Variants in AOAH observed in about 807,000 individuals in gnomAD.
AOAH encodes the protein acyloxyacyl hydrolase, also known as acyloxyacyl hydrolase (neutrophil).
AOAH carries 64 observed loss-of-function variants against 92.2 expected under a neutral mutation model. That is an observed-to-expected ratio of 0.69 (90% CI 0.57 to 0.86). The LOEUF (loss-of-function observed/expected upper bound fraction) is 0.86, where lower values mean the gene tolerates loss of function less well. Ranked by LOEUF, AOAH falls within the 40% of genes least tolerant of loss-of-function variation. The pLI is 0.00. For missense variants in AOAH, 656 were observed against 694.6 expected (o/e 0.94, Z 0.62); for synonymous variants, 263 against 254.5 (o/e 1.03, Z -0.32).
At chr7:36,586,416 TC>T (rs1432429858) in intron 12 of AOAH, among the ~76,000 whole-genome samples, 2 of 152,124 alleles carry the variant, frequency 1.3e-5, no homozygotes, top group Non-Finnish European at 2.9e-5. Flanking sequence ...TTCCTCTGCC[TC>T]CCCCATCATT....
intron 16 of AOAH, among the ~76,000 whole-genome samples, chr7:36,539,723 T>G (rs1309245430): frequency 2.0e-5 from 3 of 152,228 alleles, no homozygotes; most frequent in Admixed American, 6.5e-5. Context: ...GAAATTATTG[T>G]GGTTGATAAA....
At chr7:36,639,661 T>A (rs1793763670) in intron 4 of AOAH, among the ~76,000 whole-genome samples, 1 of 152,208 alleles carries the variant, frequency 6.6e-6, no homozygotes, top group Non-Finnish European at 1.5e-5. Flanking sequence ...AAACAATGAA[T>A]ACCAATTCAG....
chr7:36,688,007 A>G lies in AOAH; in HGVS notation c.128-1213T>C, dbSNP rs141097958. Among the ~76,000 whole-genome samples the G allele has an allele frequency of 9.2e-5, 14 of 152,318 alleles. No homozygotes were observed. The East Asian group carries it at 2.7e-3, about 29-fold the overall frequency. On this transcript the variant is annotated intron_variant, in intron 1 of 20. Coordinates refer to ENST00000617537, the MANE Select transcript of AOAH (RefSeq NM_001637.4). ...GATGTTCTGTCCCCTCTCTCTGGAC[A>G]AAGAGAAAGGTTCACCACATCTCTG...
chr7:36,556,491 T>G (rs1296157096), intron 13 of AOAH, among the ~76,000 whole-genome samples: 5 of 151,914 alleles, frequency 3.3e-5, no homozygotes, highest in South Asian at 4.2e-4. Context: ...CTGTAGATGT[T>G]TATTAGGTCC....
chr7:36,610,175 A>AG (rs1209230705), intron 11 of AOAH, among the ~76,000 whole-genome samples: 1 of 149,948 alleles, frequency 6.7e-6, no homozygotes, highest in Non-Finnish European at 1.5e-5. Flanking sequence ...AAAAAAAAAA[A>AG]AAAAAGAATC....
chr7:36,523,997 C>T (rs1367290952), intron 19 of AOAH, among the ~76,000 whole-genome samples: 2 of 152,002 alleles, frequency 1.3e-5, no homozygotes, highest in Admixed American at 6.6e-5. Context: ...AAATCAGCAA[C>T]GATGCAGAAA....
At chr7:36,670,123 A>C (rs892237856) in intron 3 of AOAH, among the ~76,000 whole-genome samples, 11 of 152,146 alleles carry the variant, frequency 7.2e-5, no homozygotes, top group Admixed American at 2.0e-4. Flanking sequence ...TAATTGCTGC[A>C]CAATTAGTCC....
At chr7:36,716,893 C>T (rs1008676881) in intron 1 of AOAH, among the ~76,000 whole-genome samples, 14 of 151,624 alleles carry the variant, frequency 9.2e-5, no homozygotes, top group South Asian at 2.1e-4. Context: ...TTAATGGGTG[C>T]GGCACACCAA....
At chr7:36,693,543 T>C (rs997396337) in intron 1 of AOAH, among the ~76,000 whole-genome samples, 2 of 152,070 alleles carry the variant, frequency 1.3e-5, no homozygotes, top group Non-Finnish European at 2.9e-5. Context: ...ATTTTTTTGA[T>C]CACACTATTG....
intron 19 of AOAH, among the ~76,000 whole-genome samples, 158 bp downstream of exon 19, chr7:36,530,260 T>C (rs1274660144): frequency 1.3e-5 from 2 of 152,220 alleles, no homozygotes; most frequent in African/African-American, 4.8e-5. Context: ...CATTTTATCT[T>C]TTTTTCAATA....
rs755950743 is a variant in AOAH at position 36,548,721 on chromosome 7, A to G, written c.1059-35T>C. The G allele has an allele frequency of 5.7e-6, 9 of 1,582,742 alleles. No homozygotes were observed. The South Asian group carries it at 9.9e-5, about 17-fold the overall frequency. ...CATAGATGGAATCTGAATGTCAGAT[A>G]CTTGGAAACCTAGCTTTGTAGCCAG... is the stretch of plus-strand genomic sequence containing the variant. On this transcript the variant is annotated intron_variant, in intron 14 of 20. Transcript: ENST00000617537.
At position 36,724,219 on chromosome 7, in the gene AOAH, C is replaced by G; in HGVS notation, c.-71G>C. 1 of 1,582,496 alleles carries G rather than the reference C, an allele frequency of 6.3e-7. No individual in the cohort carries two copies. Among genetic ancestry groups the G allele is most frequent in the Non-Finnish European group, 8.6e-7 (1 of 1,157,888 alleles). On this transcript the variant is annotated 5_prime_UTR_variant, in exon 1 of 21. Coordinates refer to ENST00000617537, the MANE Select transcript of AOAH (RefSeq NM_001637.4). Reference sequence around the variant, plus strand: ...CAACTGAGGGATGCTGGAGCTGAGGCTGCAGAATCAATTGATCTCTCTCTC... The same window carrying G: ...CAACTGAGGGATGCTGGAGCTGAGGGTGCAGAATCAATTGATCTCTCTCTC...
Position 36,631,919 on chromosome 7 carries a change from C to G in AOAH, c.521+117G>C. On this transcript the variant is annotated intron_variant, in intron 6 of 20. Coordinates refer to ENST00000617537, the MANE Select transcript of AOAH (RefSeq NM_001637.4). ...TGTGCAATGTTTTGAGAAAGAAACA[C>G]TCTCACCTTCAGGGATGCCTTTTAA... 4.0e-6 allele frequency: 3 copies of G among 743,532 alleles called. No homozygotes were observed. In the South Asian group the frequency reaches 5.4e-5, roughly 13 times the overall value. The allele number at this position is 743,532 out of a possible 1,614,324, so 46.1% of individuals were successfully genotyped here.
intron 3 of AOAH, among the ~76,000 whole-genome samples, chr7:36,665,748 T>A (rs1795492065): frequency 1.3e-5 from 2 of 152,240 alleles, no homozygotes; most frequent in South Asian, 2.1e-4. Flanking sequence ...GAGTTTTTTT[T>A]AAATCACAAA....
chr7:36,678,600 T>TGCGCGCGCGC (rs1554314414), intron 2 of AOAH, among the ~76,000 whole-genome samples: 18 of 131,018 alleles, frequency 1.4e-4, no homozygotes, highest in African/African-American at 2.7e-4. Context: ...TGTGTGTGTG[T>TGCGCGCGCGC]GCGCGCGCGC....
At chr7:36,678,072 A>C (rs1796367766) in intron 2 of AOAH, among the ~76,000 whole-genome samples, 1 of 152,242 alleles carries the variant, frequency 6.6e-6, no homozygotes, top group African/African-American at 2.4e-5. Flanking sequence ...AAAGTCACTA[A>C]ATTGTACACT....
intron 20 of AOAH, among the ~76,000 whole-genome samples, chr7:36,515,332 CCA>C (rs1203217386): frequency 7.9e-5 from 10 of 126,824 alleles, no homozygotes; most frequent in South Asian, 2.8e-4. Context: ...CAACCCCACA[CCA>C]CACACACATA....
intron 2 of AOAH, among the ~76,000 whole-genome samples, chr7:36,675,438 G>A (rs1796193649): frequency 6.6e-6 from 1 of 152,046 alleles, no homozygotes; most frequent in South Asian, 2.1e-4. Flanking sequence ...ATGCCCAAAT[G>A]GACTCAAGAA....
At chr7:36,664,884 T>G (rs763303854) in intron 3 of AOAH, among the ~76,000 whole-genome samples, 7 of 152,170 alleles carry the variant, frequency 4.6e-5, no homozygotes, top group Non-Finnish European at 7.4e-5. Context: ...ACATGAAGAA[T>G]GAAGAGAGCA....
Sources: gnomAD v4.1 joint callset for allele counts (sites outside exome capture counted in the v4.1 genomes callset) on GRCh38, gnomAD v4.1.1 for gene constraint, MANE v1.5 for transcripts, NCBI Gene and HGNC (gene_info 2026-07-23, HGNC 2026-07-21) for gene names.